Variants in TRAF5 observed in about 807,000 individuals in gnomAD.
The protein encoded by TRAF5 is TNF receptor-associated factor 5.
A neutral mutation model predicts 64.5 loss-of-function variants in TRAF5; 48 were observed. The ratio of observed to expected loss-of-function variants is 0.74; its 90% CI spans 0.59 to 0.95. The LOEUF (loss-of-function observed/expected upper bound fraction) is 0.95. TRAF5 is among the 40% of genes least tolerant of loss of function. The pLI is 0.00. For missense variants in TRAF5, 545 were observed against 662.8 expected (o/e 0.82, Z 1.95); for synonymous variants, 206 against 240.5 (o/e 0.86, Z 1.33).
intron 1 of TRAF5, among the ~76,000 whole-genome samples, chr1:211,338,178 C>A (rs1005828057): frequency 4.6e-5 from 7 of 152,188 alleles, no homozygotes; most frequent in Non-Finnish European, 1.0e-4. Flanking sequence ...AAATCAGATT[C>A]TAGTTGCTAC....
chr1:211,371,521 T>G, intron 10 of TRAF5, 51 bp downstream of exon 10: 1 of 1,564,942 alleles, frequency 6.4e-7, no homozygotes, highest in Non-Finnish European at 8.7e-7. Flanking sequence ...TCTGCATGTG[T>G]TCATGAAACA....
chr1:211,360,007 T>C lies in TRAF5; in HGVS notation c.474T>C (p.Ser158=), dbSNP rs187481865. Residue 158 remains serine, a synonymous_variant, in exon 5 of 11, where the codon AGT becomes AGC. Coordinates refer to ENST00000261464, the MANE Select transcript of TRAF5 (RefSeq NM_001033910.3). ...VLRKDLKEHL[S]ASCQFRKEKC... ...GGAAAGACCTGAAAGAGCATTTGAG[T>C]GCATCCTGTCAGTTTCGAAAGGAAA... is the stretch of plus-strand genomic sequence containing the variant. 1.5e-5 allele frequency: 25 copies of C among 1,614,118 alleles called. No individual in the cohort carries two copies. Among genetic ancestry groups the C allele is most frequent in the Non-Finnish European group, 2.1e-5 (25 of 1,179,990 alleles).
At chr1:211,353,150 T>G in intron 1 of TRAF5, 89 bp from the exon 2 acceptor site, 1 of 1,264,196 alleles carries the variant, frequency 7.9e-7, no homozygotes, top group Admixed American at 1.7e-5. Context: ...GTACACTAAT[T>G]ATGAGACAAA....
intron 6 of TRAF5, 33 bp downstream of exon 6, chr1:211,360,812 T>C (rs1206347037): frequency 1.5e-5 from 23 of 1,578,528 alleles, no homozygotes; most frequent in Non-Finnish European, 1.9e-5. Context: ...GTAGATTTTA[T>C]GGAAGATAAC....
At chr1:211,359,450 C>T (rs573134789) in intron 4 of TRAF5, 2 of 152,990 alleles carry the variant, frequency 1.3e-5, no homozygotes, top group African/African-American at 4.8e-5. Context: ...CCCTTCTCTC[C>T]TTTTTTCCTT....
At chr1:211,334,174 G>A (rs959075304) in intron 1 of TRAF5, among the ~76,000 whole-genome samples, 2 of 152,228 alleles carry the variant, frequency 1.3e-5, no homozygotes, top group Admixed American at 6.5e-5. Flanking sequence ...AAGGACTGCC[G>A]AGGGGGAATC....
chr1:211,347,375 G>A (rs11806151), intron 1 of TRAF5, among the ~76,000 whole-genome samples: 1,591 of 152,300 alleles, frequency 0.01, 25 homozygotes, highest in African/African-American at 0.036. Context: ...GACGGATCCT[G>A]CCCTGGGAGG....
chr1:211,352,346 A>C (rs1370493278), intron 1 of TRAF5, among the ~76,000 whole-genome samples: 1 of 149,824 alleles, frequency 6.7e-6, no homozygotes, highest in African/African-American at 2.5e-5. Flanking sequence ...AGGAAAGACC[A>C]TGATTATATT....
At chr1:211,353,954 G>A (rs939689305) in intron 2 of TRAF5, among the ~76,000 whole-genome samples, 2 of 152,166 alleles carry the variant, frequency 1.3e-5, no homozygotes. Context: ...AGGAAGCAAG[G>A]CAGTCATTTT....
At position 211,371,411 on chromosome 1, in the gene TRAF5, A is replaced by G. The variant is rs1212007850; in HGVS notation, c.1040A>G (p.Glu347Gly). The change falls in exon 10 of 11, where the codon GAA (glutamate) becomes GGA (glycine). Residue 347 changes from glutamate to glycine, a missense_variant. Coordinates refer to ENST00000261464, the MANE Select transcript of TRAF5 (RefSeq NM_001033910.3). ...QNKFDLRPLM[E>G]AVDTVKQKIT... ...AAATTTGACCTGAGACCTTTGATGG[A>G]AGCAGTTGATACAGTGAAACAGAAA... The G allele has an allele frequency of 6.2e-7, 1 of 1,611,684 alleles. No homozygotes were observed. The highest frequency in any genetic ancestry group is 1.7e-5 in the Admixed American group (1 of 59,208).
At position 211,372,505 on chromosome 1, in the gene TRAF5, AAG is replaced by A; in HGVS notation, c.1479_1480del (p.Asn494HisfsTer8). The stretch of plus-strand genomic sequence containing the variant: ...GATGCTTCTGGACCAGAGTGGCAAA[AAG>A]AACATTATGGAGACCTTCAAACCTG... Reference protein sequence around the residue: ...TLMLLDQSGKKNIMETFKPDP... With the variant: ...TLMLLDQSGKXNIMETFKPDP... On this transcript the variant is annotated frameshift_variant, in exon 11 of 11. Coordinates refer to ENST00000261464, the MANE Select transcript of TRAF5 (RefSeq NM_001033910.3). LOFTEE classifies it high-confidence loss of function. 1 of 1,614,172 alleles carries A rather than the reference AAG, an allele frequency of 6.2e-7. No homozygotes were observed. The highest frequency in any genetic ancestry group is 8.5e-7 in the Non-Finnish European group (1 of 1,180,026).
intron 6 of TRAF5, 79 bp downstream of exon 6, chr1:211,360,858 TC>T: frequency 7.3e-7 from 1 of 1,360,636 alleles, no homozygotes; most frequent in Non-Finnish European, 1.0e-6. Flanking sequence ...TTTGATACAG[TC>T]CCAAAGATAA....
At chr1:211,339,762 T>C (rs1702398088) in intron 1 of TRAF5, among the ~76,000 whole-genome samples, 1 of 152,162 alleles carries the variant, frequency 6.6e-6, no homozygotes, top group South Asian at 2.1e-4. Context: ...CCAGGAAGCG[T>C]CTCTCGTCTG....
At position 211,366,966 on chromosome 1, in the gene TRAF5, ATTGTTTGT is replaced by A. The variant is rs1553272282; in HGVS notation, c.789+1524_789+1531del. Among the ~76,000 whole-genome samples, 109 of 107,708 alleles carry A rather than the reference ATTGTTTGT, an allele frequency of 1.0e-3. 1 individual carries two copies. Among genetic ancestry groups the A allele is most frequent in the Middle Eastern group, 4.6e-3 (1 of 218 alleles). 70.7% of individuals were successfully genotyped at this position (107,708 alleles called of 152,430 possible). A position where few individuals can be genotyped will look rare whatever the true frequency, so the allele number is the denominator to read the frequency against. ...TAATTGGAAAACACTTGGTCAGCTA[ATTGTTTGT>A]TTGTTTGTTTGTTTGTTTGTTTGTT... On this transcript the variant is annotated intron_variant, in intron 8 of 10. Coordinates refer to ENST00000261464, the MANE Select transcript of TRAF5 (RefSeq NM_001033910.3).
chr1:211,365,087 C>T (rs909484210), intron 7 of TRAF5, among the ~76,000 whole-genome samples: 1 of 151,896 alleles, frequency 6.6e-6, no homozygotes, highest in Admixed American at 6.6e-5. Context: ...GCACAAGAAT[C>T]GCTTGAACCC....
chr1:211,338,761 A>C (rs1040241972), intron 1 of TRAF5, among the ~76,000 whole-genome samples: 3 of 152,068 alleles, frequency 2.0e-5, no homozygotes, highest in Non-Finnish European at 4.4e-5. Flanking sequence ...GGTAGCTGGG[A>C]TTACAGATGT....
Position 211,344,898 on chromosome 1 carries a change from C to T in TRAF5, c.-1-8341C>T, listed in dbSNP as rs547438477. Among the ~76,000 whole-genome samples the T allele has an allele frequency of 3.3e-5, 5 of 152,092 alleles. No individual in the cohort carries two copies. In the East Asian group the frequency reaches 5.8e-4, roughly 18 times the overall value. On this transcript the variant is annotated intron_variant, in intron 1 of 10. Transcript: ENST00000261464. ...CCCCCCAAGTCGCTGGGACTACAGG[C>T]GTGCACCACCACACCCTGCTAATTT...
intron 1 of TRAF5, among the ~76,000 whole-genome samples, chr1:211,350,218 CT>C (rs1238641704): frequency 9.4e-4 from 127 of 135,378 alleles, no homozygotes; most frequent in Admixed American, 1.0e-3. Flanking sequence ...TTTTTTCTTT[CT>C]TTTTTTTTTT....
rs1702031012 is a variant in TRAF5 at position 211,326,930 on chromosome 1, G to T, written c.-2+41G>T. On this transcript the variant is annotated intron_variant, in intron 1 of 10. Transcript: ENST00000261464. The surrounding 1 kb of genome is among the most constrained non-coding windows in gnomAD (Gnocchi z 5.0). ...CGCCGCCCTGGGCACCCTCGCGACG[G>T]AAGGGCCGGGGTGGGGACACCGACG... The T allele has an allele frequency of 1.0e-6, 1 of 984,226 alleles. No individual in the cohort carries two copies. The highest frequency in any genetic ancestry group is 6.2e-5 in the Admixed American group (1 of 16,190). 61.0% of individuals were successfully genotyped at this position (984,226 alleles called of 1,614,324 possible). A position where few individuals can be genotyped will look rare whatever the true frequency, so the allele number is the denominator to read the frequency against.
Sources: gnomAD v4.1 joint callset for allele counts (sites outside exome capture counted in the v4.1 genomes callset) on GRCh38, gnomAD v4.1.1 for gene constraint, Gnocchi (gnomAD v3.1) non-coding constraint, MANE v1.5 for transcripts, NCBI Gene and HGNC (gene_info 2026-07-23, HGNC 2026-07-21) for gene names.